Variants in BCKDHB observed in about 807,000 individuals in gnomAD.
The protein encoded by BCKDHB is branched chain keto acid dehydrogenase E1 subunit beta.
A neutral mutation model predicts 48.5 loss-of-function variants in BCKDHB; 41 were observed. That is an observed-to-expected ratio of 0.85 (90% CI 0.66 to 1.10). BCKDHB has a LOEUF of 1.10. Ranked by LOEUF, BCKDHB falls within the 50% of genes least tolerant of loss-of-function variation. The pLI is 0.00. For synonymous variants in BCKDHB, 201 were observed against 174.8 expected (o/e 1.15, Z -1.18); for missense variants, 496 against 494.2 (o/e 1.00, Z -0.03).
At chr6:80,187,144 A>G (rs1380008428) in intron 6 of BCKDHB, among the ~76,000 whole-genome samples, 1 of 151,806 alleles carries the variant, frequency 6.6e-6, no homozygotes, top group African/African-American at 2.4e-5. Context: ...TGTATCTACC[A>G]TTTTCTCCAT....
At chr6:80,205,228 T>C (rs66518170) in intron 8 of BCKDHB, among the ~76,000 whole-genome samples, 12,301 of 151,972 alleles carry the variant, frequency 0.081, 576 homozygotes, top group South Asian at 0.099. Flanking sequence ...ATATGGAAAA[T>C]GAGGGTTTTT....
At chr6:80,172,370 A>G (rs1411680779) in intron 6 of BCKDHB, among the ~76,000 whole-genome samples, 1 of 152,042 alleles carries the variant, frequency 6.6e-6, no homozygotes, top group Non-Finnish European at 1.5e-5. Context: ...ATATCTTACA[A>G]CTGTACAATA....
At chr6:80,132,212 C>A (rs1040153188) in intron 3 of BCKDHB, among the ~76,000 whole-genome samples, 100 of 152,042 alleles carry the variant, frequency 6.6e-4, no homozygotes, top group African/African-American at 2.3e-3. Context: ...GAAGATTCCC[C>A]TGTGAAACTC....
the BCKDHB span, among the ~76,000 whole-genome samples, chr6:80,382,687 GAT>G: frequency 1.5e-4 from 23 of 149,198 alleles, no homozygotes; most frequent in Admixed American, 3.4e-4. Flanking sequence ...TCCCTGTCTT[GAT>G]ATATATATAT....
chr6:80,137,832 C>T (rs145202624), intron 3 of BCKDHB, among the ~76,000 whole-genome samples: 1 of 151,950 alleles, frequency 6.6e-6, no homozygotes, highest in Non-Finnish European at 1.5e-5. Context: ...AGTTGTAATC[C>T]TAGTGCTTTG....
intron 9 of BCKDHB, among the ~76,000 whole-genome samples, chr6:80,288,632 CTG>C (rs965464423): frequency 5.0e-4 from 76 of 152,206 alleles, no homozygotes; most frequent in South Asian, 3.7e-3. Flanking sequence ...TACCCCTCCC[CTG>C]AGTGATCTTC....
chr6:80,305,280 AT>A (rs1767803006), intron 9 of BCKDHB, among the ~76,000 whole-genome samples: 1 of 151,876 alleles, frequency 6.6e-6, no homozygotes, highest in Non-Finnish European at 1.5e-5. Flanking sequence ...TTATGGAAAA[AT>A]TATGACTTAA....
At chr6:80,156,998 A>G (rs1772074695) in intron 3 of BCKDHB, among the ~76,000 whole-genome samples, 1 of 152,158 alleles carries the variant, frequency 6.6e-6, no homozygotes, top group African/African-American at 2.4e-5. Context: ...AAAATAACAT[A>G]TTAAAAGTGG....
At chr6:80,354,912 A>G in the BCKDHB span, among the ~76,000 whole-genome samples, 2 of 152,166 alleles carry the variant, frequency 1.3e-5, no homozygotes, top group Non-Finnish European at 2.9e-5. Flanking sequence ...ATAGCCTTAT[A>G]GTATAATTTG....
At chr6:80,387,937 A>T in the BCKDHB span, among the ~76,000 whole-genome samples, 1 of 152,242 alleles carries the variant, frequency 6.6e-6, no homozygotes, top group Non-Finnish European at 1.5e-5. Context: ...GATGGGAAAT[A>T]AATCCAACTA....
At chr6:80,244,476 A>T (rs1475193378) in intron 8 of BCKDHB, among the ~76,000 whole-genome samples, 1 of 152,260 alleles carries the variant, frequency 6.6e-6, no homozygotes, top group African/African-American at 2.4e-5. Flanking sequence ...AAAATAACAC[A>T]GTTAAAATTA....
chr6:80,226,653 A>T (rs1025027104), intron 8 of BCKDHB, among the ~76,000 whole-genome samples: 8 of 152,210 alleles, frequency 5.3e-5, no homozygotes, highest in African/African-American at 1.9e-4. Context: ...ATACAATAAG[A>T]AGCTGAATTT....
chr6:80,230,550 A>C (rs959021941), intron 8 of BCKDHB, among the ~76,000 whole-genome samples: 5 of 152,142 alleles, frequency 3.3e-5, no homozygotes, highest in Non-Finnish European at 7.4e-5. Flanking sequence ...AAATATTTTC[A>C]ACTTTGTGGG....
At chr6:80,227,889 G>A (rs1775746507) in intron 8 of BCKDHB, among the ~76,000 whole-genome samples, 1 of 152,172 alleles carries the variant, frequency 6.6e-6, no homozygotes, top group African/African-American at 2.4e-5. Context: ...GCCATAGAAA[G>A]AACCCACTGT....
chr6:80,263,194 G>A (rs1297796356), intron 8 of BCKDHB, among the ~76,000 whole-genome samples: 1 of 152,094 alleles, frequency 6.6e-6, no homozygotes, highest in African/African-American at 2.4e-5. Flanking sequence ...GTGACAGAGC[G>A]AGACCTTGTC....
the BCKDHB span, among the ~76,000 whole-genome samples, chr6:80,416,088 AT>A: frequency 6.6e-6 from 1 of 151,102 alleles, no homozygotes; most frequent in East Asian, 1.9e-4. Flanking sequence ...CTCTGAGATG[AT>A]TTGTATTTCT....
At chr6:80,212,192 A>G (rs1336453682) in intron 8 of BCKDHB, among the ~76,000 whole-genome samples, 4 of 152,110 alleles carry the variant, frequency 2.6e-5, no homozygotes, top group Non-Finnish European at 4.4e-5. Context: ...GTCTGACCAC[A>G]AATTTACCAG....
chr6:80,355,434 T>G, the BCKDHB span: 1 of 147,064 alleles, frequency 6.8e-6, no homozygotes, highest in Non-Finnish European at 1.5e-5. Context: ...AGAAAATACT[T>G]TGTGTAAATT....
intron 3 of BCKDHB, among the ~76,000 whole-genome samples, chr6:80,134,920 T>A (rs1038154358): frequency 1.9e-4 from 29 of 151,960 alleles, no homozygotes; most frequent in Non-Finnish European, 3.7e-4. Flanking sequence ...CCTGGCTGAT[T>A]TTTGTATTTT....
Sources: allele counts gnomAD v4.1 joint callset (sites outside exome capture counted in the v4.1 genomes callset), GRCh38; gene constraint gnomAD v4.1.1; transcripts MANE v1.5; gene names NCBI Gene and HGNC (gene_info 2026-07-23, HGNC 2026-07-21).